The following TGDS variants were observed in gnomAD, a reference collection of about 807,000 sequenced individuals.
The protein encoded by TGDS is TDP-glucose 4,6-dehydratase, also known as UDP-D-glucose 4,6-dehydratase.
TGDS carries 47 observed loss-of-function variants against 52.3 expected under a neutral mutation model. The observed-to-expected ratio is 0.90, with a 90% confidence interval of 0.71 to 1.15. TGDS has a LOEUF of 1.15. Among genes scored for constraint, TGDS ranks in the 50% most tolerant of loss-of-function variants. TGDS has a pLI of 0.00. For missense variants in TGDS, 375 were observed against 418.4 expected (o/e 0.90, Z 0.90); for synonymous variants, 115 against 136.9 (o/e 0.84, Z 1.12).
upstream of TGDS, chr13:94,596,214 G>A (rs1426418846): frequency 6.8e-6 from 10 of 1,468,032 alleles, no homozygotes; most frequent in South Asian, 1.2e-4. Flanking sequence ...GACCTTTTGC[G>A]ACGCGCCTCG....
intron 4 of TGDS, among the ~76,000 whole-genome samples, chr13:94,583,588 T>C (rs1297494752): frequency 6.6e-6 from 1 of 152,174 alleles, no homozygotes; most frequent in Non-Finnish European, 1.5e-5. Context: ...CTGTTACTGC[T>C]GAAAGCAATA....
intron 6 of TGDS, 67 bp from the exon 7 acceptor site, chr13:94,580,020 G>T: frequency 9.0e-7 from 1 of 1,107,600 alleles, no homozygotes; most frequent in Non-Finnish European, 1.3e-6. Flanking sequence ...TTAAAGATAA[G>T]CAGAATTTCA....
intron 6 of TGDS, 48 bp from the exon 7 acceptor site, chr13:94,580,001 A>G: frequency 1.6e-6 from 2 of 1,243,842 alleles, no homozygotes; most frequent in Non-Finnish European, 2.3e-6. Context: ...TCTAATAATA[A>G]TGATTATTTT....
chr13:94,595,578 T>C (rs112134806), intron 1 of TGDS, among the ~76,000 whole-genome samples: 1 of 152,272 alleles, frequency 6.6e-6, no homozygotes, highest in African/African-American at 2.4e-5. Flanking sequence ...TAGAGAGGAC[T>C]TGCTGCTCGA....
At chr13:94,595,911 A>G in intron 1 of TGDS, 140 bp downstream of exon 1, 2 of 890,806 alleles carry the variant, frequency 2.2e-6, no homozygotes, top group South Asian at 2.9e-5. Flanking sequence ...AAGCTGGTCC[A>G]GGTCGTGCAT....
chr13:94,584,844 TA>T (rs1439338480), intron 4 of TGDS, among the ~76,000 whole-genome samples: 1 of 152,064 alleles, frequency 6.6e-6, no homozygotes, highest in Non-Finnish European at 1.5e-5. Context: ...ATTTTGAACA[TA>T]AATAAGAAAA....
At chr13:94,588,703 G>C (rs1594453309) in intron 4 of TGDS, among the ~76,000 whole-genome samples, 1 of 152,240 alleles carries the variant, frequency 6.6e-6, no homozygotes, top group South Asian at 2.1e-4. Context: ...AGCAAGTGTT[G>C]GCAAGCATCT....
Position 94,583,221 on chromosome 13 carries a change from C to A in TGDS, c.329G>T (p.Arg110Leu). Residue 110 changes from arginine (R) to leucine (L), a missense_variant, in exon 5 of 12, where the codon CGT (arginine) becomes CTT (leucine). Arg to Leu is a moderately radical substitution (Grantham distance 102, BLOSUM62 -2). Transcript: ENST00000261296. ...ATTAACATAGGTAAACTCAAAGGCA[C>A]GTACGAATGAAAGATCTAAAAGAAA... ...AQTHVDLSFV[R>L]AFEFTYVNVY... 6.2e-7 allele frequency: 1 copy of A among 1,612,030 alleles called. No individual in the cohort carries two copies. Among genetic ancestry groups the A allele is most frequent in the South Asian group, 1.1e-5 (1 of 90,526 alleles).
At position 94,596,053 on chromosome 13, in the gene TGDS, G is replaced by T. The variant is rs1241216031; in HGVS notation, c.84C>A (p.Phe28Leu). ...TGGCTAGCGGCGCCATTACCTACAT[G>T]AAACCAGCACCGCCGGTCACCAGGA... The part of the protein sequence containing the change: ...KRVLVTGGAG[F>L]IASHMIVSLV... Residue 28 changes from phenylalanine to leucine, a missense_variant and splice_region_variant, in exon 1 of 12, where the codon TTC becomes TTA. Transcript: ENST00000261296. 1 of 1,614,042 alleles carries T rather than the reference G, an allele frequency of 6.2e-7. No individual in the cohort carries two copies. The highest frequency in any genetic ancestry group is 1.1e-5 in the South Asian group (1 of 91,080).
Position 94,577,447 on chromosome 13 carries a change from G to T in TGDS, c.826-18C>A. On this transcript the variant is annotated intron_variant, in intron 9 of 11. Coordinates refer to ENST00000261296, the MANE Select transcript of TGDS (RefSeq NM_014305.4). ...TCTTTGATCTGTCAAAATGGAAAAA[G>T]CTTTTGAGTCAAATTATAAAATGAG... 1 of 1,542,374 alleles carries T rather than the reference G, an allele frequency of 6.5e-7. No individual in the cohort carries two copies.
chr13:94,578,213 T>C, intron 8 of TGDS, 43 bp from the exon 9 acceptor site: 1 of 1,585,258 alleles, frequency 6.3e-7, no homozygotes, highest in Non-Finnish European at 8.6e-7. Context: ...TGTAAAAAGG[T>C]AAACTCTCCT....
intron 2 of TGDS, 139 bp downstream of exon 2, chr13:94,593,702 A>G (rs1889281400): frequency 3.6e-6 from 2 of 553,912 alleles, no homozygotes; most frequent in Admixed American, 3.6e-5. Flanking sequence ...GCATGAGCAC[A>G]TTACTATACA....
intron 4 of TGDS, among the ~76,000 whole-genome samples, chr13:94,583,912 A>C (rs1453835186): frequency 6.6e-6 from 1 of 152,242 alleles, no homozygotes; most frequent in Non-Finnish European, 1.5e-5. Flanking sequence ...AACAGTTTAG[A>C]TGAAGAAATA....
intron 11 of TGDS, among the ~76,000 whole-genome samples, 196 bp from the exon 12 acceptor site, chr13:94,575,048 TAAA>T (rs1218550936): frequency 6.6e-6 from 1 of 152,110 alleles, no homozygotes; most frequent in Admixed American, 6.5e-5. Context: ...TTAAATCACC[TAAA>T]AAATTTATGA....
In TGDS at chr13:94,574,083, A is replaced by G. The variant is rs1888513301; in HGVS notation, c.*699T>C. 6.6e-6 allele frequency: 1 copy of G among 152,112 alleles called. No individual in the cohort carries two copies. Among genetic ancestry groups the G allele is most frequent in the Admixed American group, 6.5e-5 (1 of 15,280 alleles). 9.4% of individuals were successfully genotyped at this position (152,112 alleles called of 1,614,324 possible). On this transcript the variant is annotated 3_prime_UTR_variant, in exon 12 of 12. Coordinates refer to ENST00000261296, the MANE Select transcript of TGDS (RefSeq NM_014305.4). The stretch of plus-strand genomic sequence containing the variant: ...ATCAAATTTTTTTTTATTTTTCTAC[A>G]GCAAAATAAAAACATTATTTTAAAA...
At position 94,592,257 on chromosome 13, in the gene TGDS, TTC is replaced by T. The variant is rs768617885; in HGVS notation, c.204_205del (p.Asn69LeufsTer7). 2.3e-5 allele frequency: 37 copies of T among 1,610,828 alleles called. No individual in the cohort carries two copies. The highest frequency in any genetic ancestry group is 3.1e-5 in the Non-Finnish European group (36 of 1,179,046). On this transcript the variant is annotated frameshift_variant, in exon 3 of 12. Transcript: ENST00000261296. LOFTEE classifies it high-confidence loss of function. ...TGTTCATACCTGTATAAATTTGTAG[TTC>T]TGTTTGTTAGAAATGGTTTCAAGAT...
intron 4 of TGDS, among the ~76,000 whole-genome samples, chr13:94,584,586 A>G (rs1316718735): frequency 1.3e-5 from 2 of 152,238 alleles, no homozygotes; most frequent in East Asian, 3.8e-4. Flanking sequence ...GCCTTGACAC[A>G]ATGTCCAATC....
At chr13:94,576,535 T>C (rs908244988) in intron 10 of TGDS, 124 bp from the exon 11 acceptor site, 1 of 542,592 alleles carries the variant, frequency 1.8e-6, no homozygotes, top group East Asian at 3.5e-5. Context: ...AAATTCCCAA[T>C]AGGTTTTCTG....
chr13:94,589,137 C>T (rs1889102372), intron 4 of TGDS, among the ~76,000 whole-genome samples: 1 of 151,964 alleles, frequency 6.6e-6, no homozygotes, highest in Non-Finnish European at 1.5e-5. Flanking sequence ...ATCTGTTCAT[C>T]AAAACACACT....
Sources: allele counts gnomAD v4.1 joint callset (sites outside exome capture counted in the v4.1 genomes callset), GRCh38; gene constraint gnomAD v4.1.1; transcripts MANE v1.5; gene names NCBI Gene and HGNC (gene_info 2026-07-23, HGNC 2026-07-21).